ZBP1: variants seen among roughly 807,000 people sequenced by gnomAD.
The protein encoded by ZBP1 is Z-DNA binding protein 1, also known as Z-DNA-binding protein 1.
A neutral mutation model predicts 41.1 loss-of-function variants in ZBP1; 42 were observed. The ratio of observed to expected loss-of-function variants is 1.02; its 90% confidence interval spans 0.80 to 1.32. The LOEUF (loss-of-function observed/expected upper bound fraction) is 1.32. Among genes scored for constraint, ZBP1 ranks in the 40% most tolerant of loss-of-function variants. The pLI is 0.00. For synonymous variants in ZBP1, 214 were observed against 205.2 expected (o/e 1.04, Z -0.37); for missense variants, 562 against 549.7 (o/e 1.02, Z -0.22).
chr20:57,616,577 T>C (rs1374099990), intron 1 of ZBP1, 109 bp from the exon 2 acceptor site: 1 of 1,164,914 alleles, frequency 8.6e-7, no homozygotes, highest in Non-Finnish European at 1.2e-6. Flanking sequence ...TTGAGAGGGG[T>C]CCAGGGCAGA....
At chr20:57,615,960 C>T (rs2070812889) in intron 2 of ZBP1, 2 of 557,580 alleles carry the variant, frequency 3.6e-6, no homozygotes, top group East Asian at 3.1e-5. Flanking sequence ...TCATTGCTGT[C>T]TCCATCATGA....
In ZBP1 at chr20:57,613,832, G is replaced by T. The variant is rs998725181; in HGVS notation, c.503-502C>A. 5.9e-5 allele frequency among the ~76,000 whole-genome samples: 9 copies of T among 152,214 alleles called. No homozygotes were observed. The highest frequency in any genetic ancestry group is 3.3e-4 in the Admixed American group (5 of 15,278). On this transcript the variant is annotated intron_variant, in intron 4 of 7. Coordinates refer to ENST00000371173, the MANE Select transcript of ZBP1 (RefSeq NM_030776.3). This position sits in a 1 kb window ranked among gnomAD's most constrained non-coding sequence, Gnocchi z 4.5. The stretch of plus-strand genomic sequence containing the variant: ...TCCTTCCTCACAGCAGCCCTAGGAT[G>T]CTGAGACCCCCTCGGGCACCCGTCA...
At position 57,610,280 on chromosome 20, in the gene ZBP1, C is replaced by G. The variant is rs1166722139; in HGVS notation, c.962G>C (p.Arg321Thr). 1 of 1,614,062 alleles carries G rather than the reference C, an allele frequency of 6.2e-7. No individual in the cohort carries two copies. The highest frequency in any genetic ancestry group is 8.5e-7 in the Non-Finnish European group (1 of 1,180,032). The change falls in exon 7 of 8, where the codon AGA becomes ACA. Residue 321 changes from arginine (R) to threonine (T), a missense_variant. Transcript: ENST00000371173. This position sits in a 1 kb window ranked among gnomAD's most constrained non-coding sequence, Gnocchi z 5.5. Reference protein sequence around the residue: ...GTHPEGEAAQRIHMKSCFLED... With the variant: ...GTHPEGEAAQTIHMKSCFLED... ...GAGAAAGCACGATTTCATGTGGATT[C>G]TCTGGGCGGCTTCCCCCTCAGGGTG... is the stretch of plus-strand genomic sequence containing the variant.
intron 7 of ZBP1, chr20:57,607,359 G>A: frequency 8.1e-7 from 1 of 1,241,004 alleles, no homozygotes; most frequent in Admixed American, 2.6e-5. Flanking sequence ...ATGAAGATGG[G>A]ACTGAATTGC....
At chr20:57,609,129 C>T (rs894604472) in intron 7 of ZBP1, among the ~76,000 whole-genome samples, 2 of 152,212 alleles carry the variant, frequency 1.3e-5, no homozygotes, top group Non-Finnish European at 2.9e-5. Context: ...TGGGTTCCCA[C>T]ACTGTCATGT....
intron 1 of ZBP1, 53 bp from the exon 2 acceptor site, chr20:57,616,521 C>A (rs770528341): frequency 6.3e-4 from 1,008 of 1,598,454 alleles, no homozygotes; most frequent in Non-Finnish European, 8.2e-4. Context: ...CAGGTCCCCA[C>A]AGTTGAGCCC....
In ZBP1 at chr20:57,606,951, C is replaced by T. The variant is rs554786535; in HGVS notation, c.1094-2182G>A. ...CTCGTTGACAATGCACCTGTTCATC[C>T]ACGGGCTCTGATGGAGATGTAAAAA... On this transcript the variant is annotated intron_variant, in intron 7 of 7. Coordinates refer to ENST00000371173, the MANE Select transcript of ZBP1 (RefSeq NM_030776.3). 25 of 1,175,504 alleles carry T rather than the reference C, an allele frequency of 2.1e-5. No individual in the cohort carries two copies. The South Asian group carries it at 3.6e-4, about 17-fold the overall frequency. The allele number at this position is 1,175,504 out of a possible 1,614,324, so 72.8% of individuals were successfully genotyped here. A position where few individuals can be genotyped will look rare whatever the true frequency, so the allele number is the denominator to read the frequency against.
chr20:57,617,583 G>A (rs2070875208), intron 1 of ZBP1: 2 of 152,506 alleles, frequency 1.3e-5, no homozygotes, highest in African/African-American at 4.8e-5. Flanking sequence ...GGGGCCAGGA[G>A]TGGTGGCTCA....
intron 7 of ZBP1, chr20:57,606,932 G>A: frequency 8.8e-7 from 1 of 1,138,634 alleles, no homozygotes; most frequent in East Asian, 6.6e-5. Context: ...ACTACTCGTT[G>A]ACAATGCACC....
intron 2 of ZBP1, 42 bp from the exon 3 acceptor site, chr20:57,615,622 A>G: frequency 1.3e-6 from 2 of 1,574,228 alleles, no homozygotes; most frequent in South Asian, 2.3e-5. Flanking sequence ...GGGACAGAAG[A>G]CAGCACCAGG....
At chr20:57,605,303 C>T (rs1240058192) in intron 7 of ZBP1, among the ~76,000 whole-genome samples, 1 of 152,208 alleles carries the variant, frequency 6.6e-6, no homozygotes, top group East Asian at 1.9e-4. Context: ...AGGTTTGTGG[C>T]ACCCTGTGTG....
At position 57,610,549 on chromosome 20, in the gene ZBP1, G is replaced by A. The variant is rs1202261095; in HGVS notation, c.875-182C>T. 1 of 623,342 alleles carries A rather than the reference G, an allele frequency of 1.6e-6. No homozygotes were observed. Among genetic ancestry groups the A allele is most frequent in the East Asian group, 2.7e-5 (1 of 36,642 alleles). The allele number at this position is 623,342 out of a possible 1,614,324, so 38.6% of individuals were successfully genotyped here. ...CCGCCACACCTCCGCTCGTGCTGTT[G>A]TGCTGTCTGGGAAGCGTCTTTCTGC... On this transcript the variant is annotated intron_variant, in intron 6 of 7. Coordinates refer to ENST00000371173, the MANE Select transcript of ZBP1 (RefSeq NM_030776.3). The surrounding 1 kb of genome is among the most constrained non-coding windows in gnomAD (Gnocchi z 5.5).
rs2070629102 is a variant in ZBP1 at position 57,610,412 on chromosome 20, C to G, written c.875-45G>C. ...AGGCCTGGAGCCAGGAGCAGCTGGA[C>G]AGTGGCCGGGAACCCTGACCCCCAG... On this transcript the variant is annotated intron_variant, in intron 6 of 7. Transcript: ENST00000371173. This position sits in a 1 kb window ranked among gnomAD's most constrained non-coding sequence, Gnocchi z 5.5. 1 of 1,605,266 alleles carries G rather than the reference C, an allele frequency of 6.2e-7. No homozygotes were observed. Among genetic ancestry groups the G allele is most frequent in the Non-Finnish European group, 8.5e-7 (1 of 1,172,948 alleles).
rs758055000 is a variant in ZBP1 at position 57,604,628 on chromosome 20, C to T, written c.1235G>A (p.Ser412Asn). Residue 412 changes from serine (S) to asparagine (N), a missense_variant, in exon 8 of 8, where the codon AGC becomes AAC. Ser to Asn is a conservative substitution (Grantham distance 46, BLOSUM62 1). Transcript: ENST00000371173. ...GTGTGAGGCTTCATCCACATAGTGGCTGCCTTCTGCAGCTTTGTGACTCCT... is the reference window on the plus strand; with the variant it reads ...GTGTGAGGCTTCATCCACATAGTGGTTGCCTTCTGCAGCTTTGTGACTCCT... ...GNRSHKAAEGSHYVDEASHEG... is the reference protein window; with the variant it reads ...GNRSHKAAEGNHYVDEASHEG... The T allele has an allele frequency of 1.9e-6, 3 of 1,614,214 alleles. No homozygotes were observed. Among genetic ancestry groups the T allele is most frequent in the Admixed American group, 3.3e-5 (2 of 60,022 alleles).
intron 6 of ZBP1, among the ~76,000 whole-genome samples, chr20:57,611,194 G>C (rs1463058942): frequency 1.3e-5 from 2 of 152,124 alleles, no homozygotes; most frequent in Admixed American, 6.6e-5. Flanking sequence ...AGGAAACTGA[G>C]GTTTCCTGCA....
chr20:57,604,487 G>T lies in ZBP1; in HGVS notation c.*86C>A. ...TGGAAGCAAGCAGGTCAAACAAGAC[G>T]CTAAGGAATGCAGAGAGCAGCAGGC... On this transcript the variant is annotated 3_prime_UTR_variant, in exon 8 of 8. Coordinates refer to ENST00000371173, the MANE Select transcript of ZBP1 (RefSeq NM_030776.3). The T allele has an allele frequency of 6.6e-7, 1 of 1,518,676 alleles. No individual in the cohort carries two copies. Among genetic ancestry groups the T allele is most frequent in the Non-Finnish European group, 9.1e-7 (1 of 1,095,986 alleles). The allele number at this position is 1,518,676 out of a possible 1,614,324, so 94.1% of individuals were successfully genotyped here. A position where few individuals can be genotyped will look rare whatever the true frequency, so the allele number is the denominator to read the frequency against.
rs1432761958 is a variant in ZBP1 at position 57,613,764 on chromosome 20, A to G, written c.503-434T>C. On this transcript the variant is annotated intron_variant, in intron 4 of 7. Transcript: ENST00000371173. The surrounding 1 kb of genome is among the most constrained non-coding windows in gnomAD (Gnocchi z 4.5). The stretch of plus-strand genomic sequence containing the variant: ...CTCCCATGACATTTTCAATATTTGA[A>G]TTTGTCACTAGTGTTTAAAATCTGG... 6.6e-6 allele frequency among the ~76,000 whole-genome samples: 1 copy of G among 152,210 alleles called. No homozygotes were observed. The highest frequency in any genetic ancestry group is 2.4e-5 in the African/African-American group (1 of 41,448).
chr20:57,605,583 C>G (rs2070474093), intron 7 of ZBP1, among the ~76,000 whole-genome samples: 1 of 152,206 alleles, frequency 6.6e-6, no homozygotes, highest in Non-Finnish European at 1.5e-5. Flanking sequence ...CTCTCTCCCT[C>G]TCCTCAGGCC....
chr20:57,605,515 C>T (rs992649549), intron 7 of ZBP1, among the ~76,000 whole-genome samples: 3 of 152,150 alleles, frequency 2.0e-5, no homozygotes, highest in East Asian at 3.8e-4. Context: ...TAGAAGATGA[C>T]GAAGTTAATT....
Sources: allele counts gnomAD v4.1 joint callset (sites outside exome capture counted in the v4.1 genomes callset), GRCh38; gene constraint gnomAD v4.1.1; non-coding constraint Gnocchi (gnomAD v3.1); transcripts MANE v1.5; gene names NCBI Gene and HGNC (gene_info 2026-07-23, HGNC 2026-07-21).